Variants in CPZ observed in about 807,000 individuals in gnomAD.
CPZ encodes carboxypeptidase Z, also known as VEZT/CPZ fusion.
CPZ carries 103 observed loss-of-function variants against 61.8 expected under a neutral mutation model. The ratio of observed to expected loss-of-function variants is 1.67; its 90% CI spans 1.42 to 1.96. The LOEUF (loss-of-function observed/expected upper bound fraction) is 1.96. Ranked by LOEUF, CPZ falls within the 30% of genes most tolerant of loss-of-function variation. CPZ has a pLI of 0.00. For synonymous variants in CPZ, 551 were observed against 373.7 expected, an observed-to-expected ratio of 1.47 and a Z score of -5.47; for missense variants, 1,461 against 914.9, an observed-to-expected ratio of 1.60 and a Z score of -7.70.
chr4:8,601,630 T>C (rs918979262), intron 3 of CPZ, 133 bp downstream of exon 3: 2 of 1,007,508 alleles, frequency 2.0e-6, no homozygotes, highest in Non-Finnish European at 2.7e-6. Flanking sequence ...AGGGCGGGGC[T>C]GCTCCCCGAG....
intron 1 of CPZ, chr4:8,597,283 C>T (rs1202273708): frequency 6.6e-6 from 1 of 152,220 alleles, no homozygotes; most frequent in Admixed American, 6.5e-5. Flanking sequence ...CTCTTCCCAA[C>T]ATCACCCAGT....
chr4:8,603,913 C>A, intron 3 of CPZ, 63 bp from the exon 4 acceptor site: 1 of 1,455,874 alleles, frequency 6.9e-7, no homozygotes, highest in Non-Finnish European at 9.6e-7. Flanking sequence ...GGTCAGCGTT[C>A]CCAGGCAGTG....
intron 7 of CPZ, among the ~76,000 whole-genome samples, chr4:8,608,033 G>A (rs990577553): frequency 6.9e-6 from 1 of 143,924 alleles, no homozygotes; most frequent in Non-Finnish European, 1.5e-5. Context: ...CCTAACCTTA[G>A]GACGACCTGC....
At chr4:8,617,918 C>T (rs926442581) in intron 9 of CPZ, among the ~76,000 whole-genome samples, 3 of 152,040 alleles carry the variant, frequency 2.0e-5, no homozygotes, top group South Asian at 2.1e-4. Flanking sequence ...AGGACCAGTT[C>T]GTGCCAAGGC....
At chr4:8,605,580 C>CATCATCTATTCATCCATCA (rs1553876797) in intron 4 of CPZ, among the ~76,000 whole-genome samples, 4,018 of 149,852 alleles carry the variant, frequency 0.027, 144 homozygotes, top group African/African-American at 0.084. Flanking sequence ...TCCATCCAGC[C>CATCATCTATTCATCCATCA]ATCCAGCCAG....
intron 3 of CPZ, among the ~76,000 whole-genome samples, chr4:8,601,778 C>A (rs1026070566): frequency 1.3e-5 from 2 of 152,264 alleles, no homozygotes; most frequent in Admixed American, 6.5e-5. Flanking sequence ...GTGCTGAGTC[C>A]AAGTGGGGGC....
chr4:8,616,225 C>G (rs978266097), intron 9 of CPZ, among the ~76,000 whole-genome samples: 1 of 152,172 alleles, frequency 6.6e-6, no homozygotes, highest in Admixed American at 6.5e-5. Context: ...CCAATTGAGG[C>G]TTTTTTCAAA....
At chr4:8,609,293 T>C (rs1715432547) in intron 7 of CPZ, among the ~76,000 whole-genome samples, 1 of 149,424 alleles carries the variant, frequency 6.7e-6, no homozygotes, top group African/African-American at 2.4e-5. Context: ...ATTTTCTCAG[T>C]CATTCATCCA....
chr4:8,619,456 C>A lies in CPZ; in HGVS notation c.1798C>A (p.Pro600Thr). The A allele has an allele frequency of 6.2e-7, 1 of 1,612,394 alleles. No individual in the cohort carries two copies. Reference protein sequence around the residue: ...NFIHGLRRTGPHDPLGGASSL... With the variant: ...NFIHGLRRTGTHDPLGGASSL... ...TATTCATGGGCTGCGGAGGACTGGG[C>A]CCCACGACCCACTGGGAGGTGCCAG... Residue 600 changes from proline to threonine, a missense_variant, in exon 11 of 11, where the codon CCC becomes ACC. Physicochemically the swap from Pro to Thr is conservative, Grantham distance 38 (BLOSUM62 -1). Coordinates refer to ENST00000360986, the MANE Select transcript of CPZ (RefSeq NM_001014447.3).
In CPZ at chr4:8,612,283, G is replaced by C. The variant is rs187162540; in HGVS notation, c.1363+121G>C. 673 of 835,904 alleles carry C rather than the reference G, an allele frequency of 8.1e-4. 4 individuals carry two copies. In the African/African-American group the frequency reaches 0.011, roughly 13 times the overall value. 51.8% of individuals were successfully genotyped at this position (835,904 alleles called of 1,614,324 possible). On this transcript the variant is annotated intron_variant, in intron 8 of 10. Transcript: ENST00000360986. ...ATCCAGCTGGAGAGCCCGGAAGACA[G>C]GGCGATGCCTCACCTGGTGGAGAGG...
intron 4 of CPZ, among the ~76,000 whole-genome samples, chr4:8,604,898 T>A (rs1393611937): frequency 6.6e-6 from 1 of 152,236 alleles, no homozygotes; most frequent in Non-Finnish European, 1.5e-5. Flanking sequence ...CTGGGCAGCA[T>A]GAACACCATG....
chr4:8,614,277 TC>T (rs1715968388), intron 8 of CPZ, 81 bp from the exon 9 acceptor site: 1 of 1,479,666 alleles, frequency 6.8e-7, no homozygotes, highest in Non-Finnish European at 9.1e-7. Context: ...CCCGGCTGTC[TC>T]TGTGCGGCTG....
In CPZ at chr4:8,606,824, T is replaced by C; in HGVS notation, c.994T>C (p.Tyr332His). Residue 332 changes from tyrosine to histidine, a missense_variant, in exon 6 of 11, where the codon TAC (tyrosine) becomes CAC (histidine). By Grantham distance (83) the Tyr-to-His change is moderately conservative. Transcript: ENST00000360986. The stretch of plus-strand genomic sequence containing the variant: ...AAATTTCCCGGACCTGACGTCCGAG[T>C]ACTACCGGCTGGCGGAGACCCGCGG... ...NRNFPDLTSE[Y>H]YRLAETRGAR... is the part of the protein sequence containing the mutation. 5 of 1,613,956 alleles carry C rather than the reference T, an allele frequency of 3.1e-6. No homozygotes were observed. Among genetic ancestry groups the C allele is most frequent in the Non-Finnish European group, 4.2e-6 (5 of 1,179,986 alleles).
chr4:8,614,451 A>G lies in CPZ; in HGVS notation c.1456A>G (p.Ile486Val). Reference protein sequence around the residue: ...VKFPPEEALYILWQHNKESLL... With the variant: ...VKFPPEEALYVLWQHNKESLL... ...GTTCCCCCCCGAGGAGGCCCTGTAC[A>G]TACTCTGGCAGCACAACAAGGAGTC... The change falls in exon 9 of 11, where the codon ATA becomes GTA. Residue 486 changes from isoleucine (I) to valine (V), a missense_variant. By Grantham distance (29) the Ile-to-Val change is conservative (BLOSUM62 3). Coordinates refer to ENST00000360986, the MANE Select transcript of CPZ (RefSeq NM_001014447.3). 1 of 1,613,976 alleles carries G rather than the reference A, an allele frequency of 6.2e-7. No homozygotes were observed. Among genetic ancestry groups the G allele is most frequent in the Non-Finnish European group, 8.5e-7 (1 of 1,179,958 alleles).
chr4:8,619,652 G>T lies in CPZ; in HGVS notation c.*35G>T. The T allele has an allele frequency of 6.9e-7, 1 of 1,444,922 alleles. No homozygotes were observed. 89.5% of individuals were successfully genotyped at this position (1,444,922 alleles called of 1,614,324 possible). On this transcript the variant is annotated 3_prime_UTR_variant, in exon 11 of 11. Coordinates refer to ENST00000360986, the MANE Select transcript of CPZ (RefSeq NM_001014447.3). The stretch of plus-strand genomic sequence containing the variant: ...CAGCACCCGCCAGGATGTGGAGACC[G>T]AGGCCCATCTCCGCATCCCGGGCTC...
In CPZ at chr4:8,601,095, G is replaced by T. The variant is rs1370785216; in HGVS notation, c.122-28G>T. The T allele has an allele frequency of 2.6e-6, 4 of 1,549,428 alleles. No homozygotes were observed. In the African/African-American group the frequency reaches 5.4e-5, roughly 21 times the overall value. On this transcript the variant is annotated intron_variant, in intron 2 of 10. Coordinates refer to ENST00000360986, the MANE Select transcript of CPZ (RefSeq NM_001014447.3). ...TGACGGTCAGGGCCACTGCAGGAGG[G>T]ACTGACCTGCCGACCCTGCCTCCCC...
rs542202643 is a variant in CPZ, at chr4:8,607,746, G to C, written c.1227+321G>C. Among the ~76,000 whole-genome samples the C allele has an allele frequency of 1.4e-4, 22 of 152,248 alleles. No homozygotes were observed. The South Asian group carries it at 4.6e-3, about 32-fold the overall frequency. On this transcript the variant is annotated intron_variant, in intron 7 of 10. Coordinates refer to ENST00000360986, the MANE Select transcript of CPZ (RefSeq NM_001014447.3). The stretch of plus-strand genomic sequence containing the variant: ...CTTTGAGCTCCGCCCCGCGCCTGGC[G>C]GGGTCCCCAGTGCTTCCCACCGCAG...
In CPZ at chr4:8,602,023, ACTCCTCCAAGCAGGGTCTGCACC is replaced by A. The variant is rs1372925365; in HGVS notation, c.496+527_496+549del. On this transcript the variant is annotated intron_variant, in intron 3 of 10. Transcript: ENST00000360986. ...CACACAGAGGGTTTGGCTTGGAGTG[ACTCCTCCAAGCAGGGTCTGCACC>A]GCCCTGTGGGCTCAAGGAGGGAGAG... 4 of 152,600 alleles carry A rather than the reference ACTCCTCCAAGCAGGGTCTGCACC, an allele frequency of 2.6e-5. No homozygotes were observed. In the East Asian group the frequency reaches 7.7e-4, roughly 29 times the overall value. The allele number at this position is 152,600 out of a possible 1,614,324, so 9.5% of individuals were successfully genotyped here. A position where few individuals can be genotyped will look rare whatever the true frequency, so the allele number is the denominator to read the frequency against.
intron 1 of CPZ, among the ~76,000 whole-genome samples, chr4:8,595,508 G>A (rs1278176761): frequency 2.0e-5 from 3 of 152,198 alleles, no homozygotes; most frequent in Admixed American, 2.0e-4. Context: ...GTGTGGTAAG[G>A]GGCAAAACCA....
Sources: gnomAD v4.1 joint callset for allele counts (sites outside exome capture counted in the v4.1 genomes callset) on GRCh38, gnomAD v4.1.1 for gene constraint, MANE v1.5 for transcripts, NCBI Gene and HGNC (gene_info 2026-07-23, HGNC 2026-07-21) for gene names.